Variants in AGBL4 observed in about 807,000 individuals in gnomAD.
The protein encoded by AGBL4 is cytosolic carboxypeptidase 6.
In AGBL4, 58 loss-of-function variants were observed where a neutral mutation model predicts 66.4. That is an observed-to-expected ratio of 0.87 (90% CI 0.71 to 1.09). AGBL4 has a LOEUF of 1.09. Ranked by LOEUF, AGBL4 falls within the 50% of genes least tolerant of loss-of-function variation. AGBL4 has a pLI of 0.00. For missense variants in AGBL4, 579 were observed against 631.0 expected (o/e 0.92, Z 0.88); for synonymous variants, 234 against 222.9 (o/e 1.05, Z -0.44).
At chr1:49,756,134 T>C (rs537776914) in intron 2 of AGBL4, among the ~76,000 whole-genome samples, 1 of 152,246 alleles carries the variant, frequency 6.6e-6, no homozygotes, top group East Asian at 1.9e-4. Flanking sequence ...TAATTGCCTG[T>C]TATATGGCTT....
chr1:49,257,014 A>G (rs955923213), intron 3 of AGBL4, among the ~76,000 whole-genome samples: 3 of 152,168 alleles, frequency 2.0e-5, no homozygotes, highest in Non-Finnish European at 4.4e-5. Flanking sequence ...ACAGCAGATT[A>G]GTTTATGGAC....
chr1:49,070,087 C>A (rs1008925273), intron 4 of AGBL4, among the ~76,000 whole-genome samples: 1 of 151,664 alleles, frequency 6.6e-6, no homozygotes, highest in Non-Finnish European at 1.5e-5. Context: ...GATTTTGTAC[C>A]CTGAGACTTT....
intron 5 of AGBL4, among the ~76,000 whole-genome samples, chr1:48,920,009 G>C (rs1653950281): frequency 6.6e-6 from 1 of 152,202 alleles, no homozygotes; most frequent in Non-Finnish European, 1.5e-5. Context: ...AAAGGATGGG[G>C]TATGGGAAGA....
intron 3 of AGBL4, among the ~76,000 whole-genome samples, chr1:49,344,724 A>C (rs1166416717): frequency 6.6e-6 from 1 of 152,180 alleles, no homozygotes; most frequent in Admixed American, 6.5e-5. Flanking sequence ...ATTTGTCTGT[A>C]AGGTTTTATT....
Position 49,534,613 on chromosome 1 carries a change from A to C in AGBL4, c.282+162700T>G, listed in dbSNP as rs569504213. 2.6e-5 allele frequency among the ~76,000 whole-genome samples: 4 copies of C among 152,334 alleles called. No individual in the cohort carries two copies. In the East Asian group the frequency reaches 7.7e-4, roughly 29 times the overall value. Reference sequence around the variant, plus strand: ...TACATAGTAGCACTCAATAAAAAAGAATGACCTTCCCAGACAGAGAAAGGC... The same window carrying C: ...TACATAGTAGCACTCAATAAAAAAGCATGACCTTCCCAGACAGAGAAAGGC... On this transcript the variant is annotated intron_variant, in intron 3 of 13. Coordinates refer to ENST00000371839, the MANE Select transcript of AGBL4 (RefSeq NM_032785.4).
chr1:49,397,799 G>C (rs898509984), intron 3 of AGBL4, among the ~76,000 whole-genome samples: 2 of 151,888 alleles, frequency 1.3e-5, no homozygotes. Flanking sequence ...TACAAATTTC[G>C]TTCATCCATT....
chr1:48,891,771 AT>A (rs1650996418), intron 5 of AGBL4, among the ~76,000 whole-genome samples: 1 of 152,148 alleles, frequency 6.6e-6, no homozygotes, highest in Non-Finnish European at 1.5e-5. Context: ...GAGTATGAGG[AT>A]TTCCCTGCCC....
intron 1 of AGBL4, among the ~76,000 whole-genome samples, chr1:50,012,384 A>C (rs1661616512): frequency 6.6e-6 from 1 of 152,172 alleles, no homozygotes; most frequent in South Asian, 2.1e-4. Flanking sequence ...TAAATGCTTG[A>C]GAGGATGGAT....
chr1:49,655,713 C>A (rs1449199969), intron 3 of AGBL4, among the ~76,000 whole-genome samples: 1 of 152,104 alleles, frequency 6.6e-6, no homozygotes, highest in African/African-American at 2.4e-5. Context: ...CAGAGCAGAA[C>A]TGAAGGAGAT....
At position 50,000,057 on chromosome 1, in the gene AGBL4, A is replaced by G. The variant is rs146564625; in HGVS notation, c.34+23706T>C. Among the ~76,000 whole-genome samples, 50 of 152,290 alleles carry G rather than the reference A, an allele frequency of 3.3e-4. No homozygotes were observed. The East Asian group carries it at 8.3e-3, about 25-fold the overall frequency. On this transcript the variant is annotated intron_variant, in intron 1 of 13. Coordinates refer to ENST00000371839, the MANE Select transcript of AGBL4 (RefSeq NM_032785.4). ...ATCCAAAAGCAAATGCAACAAAAAC[A>G]AAGATAAAAATAGAAGGACTTAATG...
chr1:50,001,043 A>G (rs565769924), intron 1 of AGBL4, among the ~76,000 whole-genome samples: 94 of 151,974 alleles, frequency 6.2e-4, no homozygotes, highest in African/African-American at 1.8e-3. Flanking sequence ...AAAAAATTAA[A>G]AATTAAAAAC....
chr1:49,797,588 T>C (rs1321044531), intron 2 of AGBL4, among the ~76,000 whole-genome samples: 1 of 152,052 alleles, frequency 6.6e-6, no homozygotes, highest in Non-Finnish European at 1.5e-5. Context: ...GGTATGCCAC[T>C]GTGCATGGCT....
chr1:49,779,049 G>A (rs779941968), intron 2 of AGBL4, among the ~76,000 whole-genome samples: 2 of 152,058 alleles, frequency 1.3e-5, no homozygotes, highest in Non-Finnish European at 2.9e-5. Flanking sequence ...AATTATTGGT[G>A]GCTAAGAACA....
chr1:48,896,384 C>T (rs1356926052), intron 5 of AGBL4, among the ~76,000 whole-genome samples: 1 of 152,210 alleles, frequency 6.6e-6, no homozygotes, highest in African/African-American at 2.4e-5. Flanking sequence ...AAAACTAATA[C>T]CTACCTGAGA....
intron 5 of AGBL4, among the ~76,000 whole-genome samples, chr1:49,033,828 T>C (rs1664425845): frequency 6.6e-6 from 1 of 151,910 alleles, no homozygotes; most frequent in African/African-American, 2.4e-5. Flanking sequence ...TTTTCTTTTT[T>C]TTTTTTTTTA....
chr1:49,243,411 AC>A (rs1299731055), intron 4 of AGBL4, among the ~76,000 whole-genome samples: 2 of 151,616 alleles, frequency 1.3e-5, no homozygotes, highest in Non-Finnish European at 3.0e-5. Flanking sequence ...TCCTTATCAA[AC>A]CCTGGGAACA....
intron 12 of AGBL4, among the ~76,000 whole-genome samples, chr1:48,538,857 G>A (rs185887936): frequency 2.0e-5 from 3 of 152,314 alleles, no homozygotes; most frequent in South Asian, 4.1e-4. Context: ...GGCAGGAGCC[G>A]GGAGTTGGGC....
intron 1 of AGBL4, among the ~76,000 whole-genome samples, chr1:50,017,784 T>C (rs1272848125): frequency 6.6e-6 from 1 of 152,118 alleles, no homozygotes. Context: ...TGTTGGATAC[T>C]ATGCTTATTA....
chr1:49,485,465 G>T lies in AGBL4; in HGVS notation c.282+211848C>A, dbSNP rs184087187. On this transcript the variant is annotated intron_variant, in intron 3 of 13. Transcript: ENST00000371839. Reference sequence around the variant, plus strand: ...CACACCGGGGTCTGTTGTGGGGTGGGGGGAGGGGGGAGGGATAGCATTAGG... The same window carrying T: ...CACACCGGGGTCTGTTGTGGGGTGGTGGGAGGGGGGAGGGATAGCATTAGG... Among the ~76,000 whole-genome samples the T allele has an allele frequency of 3.5e-3, 420 of 120,622 alleles. 3 individuals carry two copies. The highest frequency in any genetic ancestry group is 2.0e-3 in the Non-Finnish European group (121 of 59,370). 79.1% of individuals were successfully genotyped at this position (120,622 alleles called of 152,430 possible).
Sources: gnomAD v4.1 joint callset for allele counts (sites outside exome capture counted in the v4.1 genomes callset) on GRCh38, gnomAD v4.1.1 for gene constraint, MANE v1.5 for transcripts, NCBI Gene and HGNC (gene_info 2026-07-23, HGNC 2026-07-21) for gene names.